Variants in SMCHD1 observed in about 807,000 individuals in gnomAD.
SMCHD1 encodes the protein structural maintenance of chromosomes flexible hinge domain containing 1, also known as structural maintenance of chromosomes flexible hinge domain-containing protein 1.
In SMCHD1, 78 loss-of-function variants were observed where a neutral mutation model predicts 254.7. The ratio of observed to expected loss-of-function variants is 0.31; its 90% confidence interval spans 0.26 to 0.37. SMCHD1 has a LOEUF of 0.37. Ranked by LOEUF, SMCHD1 falls within the 10% of genes least tolerant of loss-of-function variation. SMCHD1 has a pLI of 1.00. For missense variants in SMCHD1, 1,840 were observed against 2,408.1 expected, an observed-to-expected ratio of 0.76 and a Z score of 4.94; for synonymous variants, 766 against 794.9, an observed-to-expected ratio of 0.96 and a Z score of 0.61.
intron 5 of SMCHD1, among the ~76,000 whole-genome samples, chr18:2,687,122 AT>A (rs1189551044): frequency 6.6e-6 from 1 of 152,186 alleles, no homozygotes; most frequent in Non-Finnish European, 1.5e-5. Context: ...CCTTCCTGAA[AT>A]GACACTTTTG....
chr18:2,768,819 G>T (rs1207795604), intron 37 of SMCHD1, among the ~76,000 whole-genome samples: 1 of 151,722 alleles, frequency 6.6e-6, no homozygotes, highest in Admixed American at 6.6e-5. Context: ...AATGCAAATA[G>T]TATTTTTTAA....
At position 2,771,518 on chromosome 18, in the gene SMCHD1, G is replaced by C. The variant is rs300291; in HGVS notation, c.4967-15G>C. The C allele has an allele frequency of 6.5e-7, 1 of 1,546,448 alleles. No homozygotes were observed. The highest frequency in any genetic ancestry group is 8.6e-7 in the Non-Finnish European group (1 of 1,157,538). ...CTATCAGAAATTGATGCAAATTTTTGGTTTTTTATTTTAGGTCAAGTTGAA... is the reference window on the plus strand; with the variant it reads ...CTATCAGAAATTGATGCAAATTTTTCGTTTTTTATTTTAGGTCAAGTTGAA... On this transcript the variant is annotated splice_polypyrimidine_tract_variant and intron_variant, in intron 39 of 47. Coordinates refer to ENST00000320876, the MANE Select transcript of SMCHD1 (RefSeq NM_015295.3).
chr18:2,658,900 G>A (rs3016696), intron 1 of SMCHD1, among the ~76,000 whole-genome samples: 26,554 of 149,972 alleles, frequency 0.18, 5,764 homozygotes, highest in African/African-American at 0.52. Flanking sequence ...ACATATATAC[G>A]TGTATACGCA....
rs2074947917 is a variant in SMCHD1 at position 2,722,529 on chromosome 18, A to G, written c.2469A>G (p.Pro823=). The G allele has an allele frequency of 6.2e-7, 1 of 1,612,170 alleles. No individual in the cohort carries two copies. Among genetic ancestry groups the G allele is most frequent in the Admixed American group, 1.7e-5 (1 of 59,788 alleles). ...AIKFSVKEGK[P]EKFSFGLLDL... ...TTGTTTTTGTTAAAGAGGGTAAGCC[A>G]GAGAAATTTTCATTTGGTCTTCTGG... is the stretch of plus-strand genomic sequence containing the variant. The change falls in exon 20 of 48, where the codon CCA becomes CCG. Residue 823 remains proline (P), a synonymous_variant. Transcript: ENST00000320876.
chr18:2,738,408 T>A lies in SMCHD1; in HGVS notation c.3288T>A (p.Thr1096=). Residue 1096 remains threonine (T), a synonymous_variant, in exon 26 of 48, where the codon ACT becomes ACA. Coordinates refer to ENST00000320876, the MANE Select transcript of SMCHD1 (RefSeq NM_015295.3). ...TCTTTTTCTCCTAGGTTAATTGGAC[T>A]CCTGAGATTAACAAAGAACACTTGC... ...ALAEKIKVNW[T]PEINKEHLLQ... 6.3e-7 allele frequency: 1 copy of A among 1,599,928 alleles called. No individual in the cohort carries two copies. The highest frequency in any genetic ancestry group is 8.5e-7 in the Non-Finnish European group (1 of 1,173,098).
chr18:2,736,995 G>T (rs1372498208), intron 25 of SMCHD1, among the ~76,000 whole-genome samples: 1 of 152,056 alleles, frequency 6.6e-6, no homozygotes, highest in Non-Finnish European at 1.5e-5. Context: ...GGTGCCTGTC[G>T]GTAGTAGATT....
rs1190193153 is a variant in SMCHD1 at position 2,777,838 on chromosome 18, A to G, written c.5399A>G (p.Tyr1800Cys). 1.3e-6 allele frequency: 2 copies of G among 1,547,840 alleles called. No homozygotes were observed. Among genetic ancestry groups the G allele is most frequent in the Admixed American group, 3.9e-5 (2 of 50,986 alleles). Reference sequence around the variant, plus strand: ...CCTCATTTCCGAAATGGAAAATTGTATTTTAAACCCATTGGAGATCCAGTC... The same window carrying G: ...CCTCATTTCCGAAATGGAAAATTGTGTTTTAAACCCATTGGAGATCCAGTC... Reference protein sequence around the residue: ...SLPHFRNGKLYFKPIGDPVFA... With the variant: ...SLPHFRNGKLCFKPIGDPVFA... The change falls in exon 43 of 48, where the codon TAT (tyrosine) becomes TGT (cysteine). Residue 1800 changes from tyrosine (Y) to cysteine (C), a missense_variant. This residue lies in a region of SMCHD1 where 114 missense variants were observed against 217.6 expected (regional missense o/e 0.52). Transcript: ENST00000320876.
At chr18:2,693,345 G>A (rs2074220056) in intron 7 of SMCHD1, among the ~76,000 whole-genome samples, 2 of 152,184 alleles carry the variant, frequency 1.3e-5, no homozygotes, top group Admixed American at 6.5e-5. Flanking sequence ...ACATCATAGA[G>A]TGTACTTATA....
rs574494838 is a variant in SMCHD1, at chr18:2,676,351, A to T, written c.638+2206A>T. ...ATGTAGAATAATAGAGCTGATGCACATCTCCTCTAGATAAGGTGGTTGGAG... is the reference window on the plus strand; with the variant it reads ...ATGTAGAATAATAGAGCTGATGCACTTCTCCTCTAGATAAGGTGGTTGGAG... On this transcript the variant is annotated intron_variant, in intron 5 of 47. Coordinates refer to ENST00000320876, the MANE Select transcript of SMCHD1 (RefSeq NM_015295.3). Among the ~76,000 whole-genome samples, 54 of 152,360 alleles carry T rather than the reference A, an allele frequency of 3.5e-4. 1 individual carries two copies. The highest frequency in any genetic ancestry group is 1.3e-3 in the African/African-American group (53 of 41,588).
At position 2,794,427 on chromosome 18, in the gene SMCHD1, G is replaced by T. The variant is rs61280339; in HGVS notation, c.5720-1522G>T. On this transcript the variant is annotated intron_variant, in intron 45 of 47. Coordinates refer to ENST00000320876, the MANE Select transcript of SMCHD1 (RefSeq NM_015295.3). Reference sequence around the variant, plus strand: ...AGGCTAAGATGGGAGAATCACCTGAGCCCAGGAAGTTGAGGCTGCAGTGAG... The same window carrying T: ...AGGCTAAGATGGGAGAATCACCTGATCCCAGGAAGTTGAGGCTGCAGTGAG... Among the ~76,000 whole-genome samples the T allele has an allele frequency of 3.6e-3, 541 of 152,316 alleles. 19 individuals are homozygous for T. In the South Asian group the frequency reaches 0.068, roughly 19 times the overall value.
At chr18:2,761,984 A>G in intron 35 of SMCHD1, 121 bp from the exon 36 acceptor site, 2 of 797,480 alleles carry the variant, frequency 2.5e-6, no homozygotes, top group Non-Finnish European at 3.8e-6. Flanking sequence ...ATTAATGGAA[A>G]TAAATTTTAG....
chr18:2,763,620 C>T lies in SMCHD1; in HGVS notation c.4567-17C>T, dbSNP rs1332074209. On this transcript the variant is annotated splice_polypyrimidine_tract_variant and intron_variant, in intron 36 of 47. Coordinates refer to ENST00000320876, the MANE Select transcript of SMCHD1 (RefSeq NM_015295.3). The stretch of plus-strand genomic sequence containing the variant: ...TCTCATCAGTTTCTCTAATTGTTTT[C>T]CATTTTTTGTTTTAAGGATGACTAC... The T allele has an allele frequency of 2.6e-6, 4 of 1,537,578 alleles. No homozygotes were observed. Among genetic ancestry groups the T allele is most frequent in the South Asian group, 1.2e-5 (1 of 80,270 alleles).
At chr18:2,658,875 TACAC>T (rs1418000706) in intron 1 of SMCHD1, among the ~76,000 whole-genome samples, 90 of 150,104 alleles carry the variant, frequency 6.0e-4, no homozygotes, top group Middle Eastern at 3.5e-3. Flanking sequence ...TATACACACA[TACAC>T]ACATATATAC....
intron 5 of SMCHD1, among the ~76,000 whole-genome samples, chr18:2,676,163 G>A (rs61106839): frequency 6.6e-6 from 1 of 152,238 alleles, no homozygotes; most frequent in East Asian, 1.9e-4. Context: ...GCAAGAACAG[G>A]CTAAAAGTAC....
In SMCHD1 at chr18:2,724,932, A is replaced by C. The variant is rs633422; in HGVS notation, c.2637A>C (p.Lys879Asn). 3.8e-5 allele frequency: 61 copies of C among 1,588,792 alleles called. No individual in the cohort carries two copies. In the South Asian group the frequency reaches 6.5e-4, roughly 17 times the overall value. ...CTTTACATTATGAAGAAATAACCAA[A>C]GGACCAAATTGTGTAATTCGAGGTG... ...GLSLHYEEIT[K>N]GPNCVIRGVT... The change falls in exon 21 of 48, where the codon AAA (lysine) becomes AAC (asparagine). Residue 879 changes from lysine (K) to asparagine (N), a missense_variant. Physicochemically the swap from Lys to Asn is moderately conservative, Grantham distance 94. This residue lies in a region of SMCHD1 where 881 missense variants were observed against 1,009.5 expected (regional missense o/e 0.87). Coordinates refer to ENST00000320876, the MANE Select transcript of SMCHD1 (RefSeq NM_015295.3).
intron 45 of SMCHD1, chr18:2,784,874 G>A (rs148003788): frequency 7.5e-4 from 379 of 506,508 alleles, no homozygotes; most frequent in African/African-American, 6.9e-3. Context: ...CTACTCAGGA[G>A]GCTAAGACAA....
intron 1 of SMCHD1, among the ~76,000 whole-genome samples, chr18:2,665,850 C>A (rs929855830): frequency 2.0e-5 from 3 of 151,956 alleles, no homozygotes; most frequent in Non-Finnish European, 2.9e-5. Context: ...AATACTATGT[C>A]TTTTGTCTGG....
At chr18:2,699,713 T>C (rs528261738) in intron 10 of SMCHD1, among the ~76,000 whole-genome samples, 1 of 152,338 alleles carries the variant, frequency 6.6e-6, no homozygotes, top group African/African-American at 2.4e-5. Flanking sequence ...TTTTTTCAAA[T>C]GCTGCCTTAA....
chr18:2,738,595 T>A (rs1170524377), intron 26 of SMCHD1, 50 bp downstream of exon 26: 3 of 1,451,810 alleles, frequency 2.1e-6, no homozygotes, highest in Non-Finnish European at 2.8e-6. Context: ...AATACTGTCC[T>A]CCATTGCACA....
Sources: gnomAD v4.1 joint callset for allele counts (sites outside exome capture counted in the v4.1 genomes callset) on GRCh38, gnomAD v4.1.1 for gene constraint, gnomAD v4.1.1 regional missense constraint, MANE v1.5 for transcripts, NCBI Gene and HGNC (gene_info 2026-07-23, HGNC 2026-07-21) for gene names.